Variants in MECOM observed in about 807,000 individuals in gnomAD.
MECOM encodes histone-lysine N-methyltransferase MECOM.
Under a neutral mutation model 116.3 loss-of-function variants are expected in MECOM, and 13 were observed. That is an observed-to-expected ratio of 0.11 (90% CI 0.07 to 0.18). The LOEUF is 0.18. Ranked by LOEUF, MECOM falls within the 10% of genes least tolerant of loss-of-function variation. The pLI is 1.00. For synonymous variants in MECOM, 528 were observed against 535.2 expected (o/e 0.99, Z 0.19); for missense variants, 1,299 against 1,509.0 (o/e 0.86, Z 2.31).
intron 1 of MECOM, among the ~76,000 whole-genome samples, chr3:169,606,622 A>G (rs76456582): frequency 0.12 from 18,231 of 152,114 alleles, 1,457 homozygotes; most frequent in East Asian, 0.25. Flanking sequence ...TTTTTTGTAT[A>G]ACAGTCCCAA....
intron 2 of MECOM, among the ~76,000 whole-genome samples, chr3:169,199,822 A>T (rs562749815): frequency 1.3e-5 from 2 of 152,212 alleles, no homozygotes; most frequent in East Asian, 3.9e-4. Context: ...CTGTCATTTC[A>T]TGAAACATAC....
intron 1 of MECOM, among the ~76,000 whole-genome samples, chr3:169,442,938 C>A (rs1210255682): frequency 6.6e-6 from 1 of 152,154 alleles, no homozygotes; most frequent in Non-Finnish European, 1.5e-5. Flanking sequence ...CTTTTCAACA[C>A]TTCCACAGAA....
chr3:169,435,925 T>C (rs569859635), intron 1 of MECOM, among the ~76,000 whole-genome samples: 1 of 152,328 alleles, frequency 6.6e-6, no homozygotes, highest in African/African-American at 2.4e-5. Flanking sequence ...TATTAAGCAC[T>C]ACAGTCGGTT....
intron 2 of MECOM, among the ~76,000 whole-genome samples, chr3:169,303,118 C>T (rs181566033): frequency 6.6e-6 from 1 of 152,052 alleles, no homozygotes; most frequent in Admixed American, 6.5e-5. Flanking sequence ...TTTATGTCAC[C>T]GATCAAGAGA....
intron 2 of MECOM, among the ~76,000 whole-genome samples, chr3:169,156,525 G>A (rs1022701833): frequency 6.6e-6 from 1 of 152,072 alleles, no homozygotes; most frequent in South Asian, 2.1e-4. Flanking sequence ...TATTCAAATT[G>A]AAAGCATTTG....
At chr3:169,446,510 G>A (rs4955656) in intron 1 of MECOM, among the ~76,000 whole-genome samples, 6,547 of 152,002 alleles carry the variant, frequency 0.043, 446 homozygotes, top group Admixed American at 0.19. Context: ...GCATAAAACC[G>A]AACTAATACA....
chr3:169,405,618 A>G (rs1692400450), intron 1 of MECOM, among the ~76,000 whole-genome samples: 1 of 152,228 alleles, frequency 6.6e-6, no homozygotes, highest in Non-Finnish European at 1.5e-5. Context: ...TCCACAAACT[A>G]GCCATATTTA....
chr3:169,198,545 T>C (rs918996673), intron 2 of MECOM, among the ~76,000 whole-genome samples: 3 of 152,038 alleles, frequency 2.0e-5, no homozygotes, highest in Non-Finnish European at 4.4e-5. Flanking sequence ...ATTATTTACC[T>C]TCCCCTCATT....
chr3:169,092,991 T>C lies in MECOM; in HGVS notation c.3131A>G (p.His1044Arg), dbSNP rs1720261425. 12 of 1,613,740 alleles carry C rather than the reference T, an allele frequency of 7.4e-6. No individual in the cohort carries two copies. Among genetic ancestry groups the C allele is most frequent in the Non-Finnish European group, 1.0e-5 (12 of 1,179,800 alleles). ...CACATTCCTGGGAGATTGGCTGCCA[T>C]GGTTGCTGTTCCCAATGAAATTTCG... ...EIRNFIGNSNHGSQSPRNVEE... is the reference protein window; with the variant it reads ...EIRNFIGNSNRGSQSPRNVEE... Residue 1044 changes from histidine to arginine, a missense_variant, in exon 14 of 17, where the codon CAT (histidine) becomes CGT (arginine). Around this residue, in one of 6 missense-constraint regions of MECOM, gnomAD observed 273 missense variants for 289.3 expected, o/e 0.94. Coordinates refer to ENST00000651503, the MANE Select transcript of MECOM (RefSeq NM_004991.4).
chr3:169,576,859 A>G (rs1012880281), intron 1 of MECOM, among the ~76,000 whole-genome samples: 1 of 150,598 alleles, frequency 6.6e-6, no homozygotes, highest in Admixed American at 6.6e-5. Context: ...AGAGAGAGTT[A>G]AGAGTGATAA....
At chr3:169,390,064 C>T (rs992566517) in intron 1 of MECOM, among the ~76,000 whole-genome samples, 44 of 152,104 alleles carry the variant, frequency 2.9e-4, no homozygotes, top group Admixed American at 1.4e-3. Context: ...GTTGTGCTTG[C>T]GTCAATATGT....
At chr3:169,155,255 C>T (rs1431256911) in intron 2 of MECOM, among the ~76,000 whole-genome samples, 1 of 152,078 alleles carries the variant, frequency 6.6e-6, no homozygotes, top group Admixed American at 6.6e-5. Flanking sequence ...AAAGGAATTC[C>T]TACCACTGCT....
chr3:169,598,982 G>A (rs1208393598), intron 1 of MECOM, among the ~76,000 whole-genome samples: 1 of 152,158 alleles, frequency 6.6e-6, no homozygotes, highest in Non-Finnish European at 1.5e-5. Context: ...TTATTGATAT[G>A]ACACATGTAG....
intron 1 of MECOM, among the ~76,000 whole-genome samples, chr3:169,645,544 G>C (rs1343687997): frequency 6.6e-6 from 1 of 152,068 alleles, no homozygotes; most frequent in East Asian, 1.9e-4. Context: ...AGATCAAAAT[G>C]GTCAAAAAGA....
chr3:169,549,721 C>T (rs1299787302), intron 1 of MECOM, among the ~76,000 whole-genome samples: 11 of 152,176 alleles, frequency 7.2e-5, no homozygotes, highest in Non-Finnish European at 2.9e-5. Context: ...CCTAGTAGTT[C>T]AAATTAAAAC....
chr3:169,309,136 G>A (rs534397635), intron 2 of MECOM, among the ~76,000 whole-genome samples: 5 of 152,054 alleles, frequency 3.3e-5, no homozygotes, highest in South Asian at 2.1e-4. Flanking sequence ...CCCTGAAACC[G>A]GACTCTATAA....
intron 2 of MECOM, among the ~76,000 whole-genome samples, chr3:169,330,560 T>A (rs1333842494): frequency 1.3e-5 from 2 of 152,138 alleles, no homozygotes; most frequent in African/African-American, 4.8e-5. Flanking sequence ...AATAACAATC[T>A]TAATAAACTG....
At chr3:169,502,109 A>C (rs897991999) in intron 1 of MECOM, among the ~76,000 whole-genome samples, 1 of 152,106 alleles carries the variant, frequency 6.6e-6, no homozygotes. Flanking sequence ...GCAGGCCAGG[A>C]TCTACTTCCT....
At chr3:169,245,123 G>A (rs1344220210) in intron 2 of MECOM, among the ~76,000 whole-genome samples, 1 of 152,172 alleles carries the variant, frequency 6.6e-6, no homozygotes, top group Non-Finnish European at 1.5e-5. Context: ...GCCCATTTAT[G>A]GAGAGACAGA....
Sources: gnomAD v4.1 joint callset for allele counts (sites outside exome capture counted in the v4.1 genomes callset) on GRCh38, gnomAD v4.1.1 for gene constraint, gnomAD v4.1.1 regional missense constraint, MANE v1.5 for transcripts, NCBI Gene and HGNC (gene_info 2026-07-23, HGNC 2026-07-21) for gene names.